The following SAFB variants were observed in gnomAD, a reference collection of about 807,000 sequenced individuals.
SAFB encodes the protein scaffold attachment factor B1.
Under a neutral mutation model 101.6 loss-of-function variants are expected in SAFB, and 15 were observed. That is an observed-to-expected ratio of 0.15 (90% CI 0.10 to 0.23). The LOEUF (loss-of-function observed/expected upper bound fraction) is 0.23, where lower values mean the gene tolerates loss of function less well. Among genes scored for constraint, SAFB ranks in the 10% least tolerant of loss-of-function variants. The pLI is 1.00. For synonymous variants in SAFB, 449 were observed against 407.5 expected (o/e 1.10, Z -1.23); for missense variants, 930 against 1,104.1 (o/e 0.84, Z 2.23).
intron 4 of SAFB, among the ~76,000 whole-genome samples, chr19:5,642,914 G>C (rs929812114): frequency 3.3e-5 from 5 of 151,974 alleles, no homozygotes; most frequent in African/African-American, 9.7e-5. Flanking sequence ...TGATCCGCCT[G>C]CCTCAGACTC....
At chr19:5,635,524 A>G (rs1472986974) in intron 2 of SAFB, among the ~76,000 whole-genome samples, 1 of 152,134 alleles carries the variant, frequency 6.6e-6, no homozygotes, top group East Asian at 1.9e-4. Context: ...TACTTCCTAT[A>G]CTTAGGAGGA....
At position 5,653,374 on chromosome 19, in the gene SAFB, A is replaced by G; in HGVS notation, c.1480A>G (p.Lys494Glu). 1.2e-6 allele frequency: 2 copies of G among 1,614,206 alleles called. No individual in the cohort carries two copies. The highest frequency in any genetic ancestry group is 1.7e-6 in the Non-Finnish European group (2 of 1,180,018). The stretch of plus-strand genomic sequence containing the variant: ...ACCTGTGGGAAAGAAAACCTCTGAC[A>G]AAAGAGACAGTGACGGGAAAAAGGA... ...NEPVGKKTSD[K>E]RDSDGKKEKS... Residue 494 changes from lysine (K) to glutamate (E), a missense_variant, in exon 11 of 21, where the codon AAA (lysine) becomes GAA (glutamate). Lys to Glu is a moderately conservative substitution (Grantham distance 56, BLOSUM62 1). This residue lies in a region of SAFB where 92 missense variants were observed against 83.8 expected (regional missense o/e 1.10). Transcript: ENST00000588852.
Position 5,667,058 on chromosome 19 carries a change from C to T in SAFB, c.2347C>T (p.Arg783Cys), listed in dbSNP as rs1360424562. Residue 783 changes from arginine (R) to cysteine (C), a missense_variant, in exon 18 of 21, where the codon CGC becomes TGC. Around this residue, in one of 7 missense-constraint regions of SAFB, gnomAD observed 318 missense variants for 342.6 expected, o/e 0.93. Coordinates refer to ENST00000588852, the MANE Select transcript of SAFB (RefSeq NM_001201338.2). The surrounding 1 kb of genome is among the most constrained non-coding windows in gnomAD (Gnocchi z 4.0). ...GEREGQHYPE[R>C]HGGPERHGRD... ...CTGTGATGTCCAGCATTACCCAGAACGCCATGGAGGACCAGAGCGCCACGG... is the reference window on the plus strand; with the variant it reads ...CTGTGATGTCCAGCATTACCCAGAATGCCATGGAGGACCAGAGCGCCACGG... The T allele has an allele frequency of 6.8e-6, 11 of 1,606,238 alleles. No homozygotes were observed. Among genetic ancestry groups the T allele is most frequent in the Middle Eastern group, 1.7e-4 (1 of 6,038 alleles).
chr19:5,641,177 T>C (rs1393184376), intron 2 of SAFB, among the ~76,000 whole-genome samples: 1 of 152,170 alleles, frequency 6.6e-6, no homozygotes, highest in East Asian at 1.9e-4. Context: ...GCCCTTCTTT[T>C]TTCTTTTTAA....
At chr19:5,664,466 A>G in intron 17 of SAFB, 27 bp downstream of exon 17, 19 of 1,590,074 alleles carry the variant, frequency 1.2e-5, no homozygotes, top group Non-Finnish European at 1.5e-5. Context: ...AGTGGTAGCC[A>G]CAGAATTTCC....
chr19:5,657,394 T>G, intron 14 of SAFB, 47 bp downstream of exon 14: 1 of 1,295,036 alleles, frequency 7.7e-7, no homozygotes, highest in Non-Finnish European at 1.1e-6. Context: ...TAGAATGTGG[T>G]CATGACTGTC....
chr19:5,655,669 C>T (rs1417236311), intron 13 of SAFB, among the ~76,000 whole-genome samples: 1 of 152,070 alleles, frequency 6.6e-6, no homozygotes, highest in African/African-American at 2.4e-5. Context: ...GGAGGAGGAA[C>T]CATTTCACTT....
intron 17 of SAFB, 85 bp from the exon 18 acceptor site, chr19:5,666,961 A>G: frequency 2.4e-6 from 2 of 846,484 alleles, no homozygotes; most frequent in South Asian, 1.3e-5. Flanking sequence ...TGTCGTTGTC[A>G]TCGTTAGCAT....
At chr19:5,665,807 G>GT (rs2054315698) in intron 17 of SAFB, 1 of 152,228 alleles carries the variant, frequency 6.6e-6, no homozygotes, top group South Asian at 2.1e-4. Flanking sequence ...TCATTGAACA[G>GT]TTACGTGGGT....
chr19:5,659,594 G>C (rs2054148090), intron 14 of SAFB, among the ~76,000 whole-genome samples: 1 of 151,794 alleles, frequency 6.6e-6, no homozygotes, highest in South Asian at 2.1e-4. Context: ...TGTTAGCCAG[G>C]ATGGTCTCGA....
chr19:5,638,689 C>CT (rs151102746), intron 2 of SAFB, among the ~76,000 whole-genome samples: 6 of 117,456 alleles, frequency 5.1e-5, no homozygotes, highest in African/African-American at 1.3e-4. Flanking sequence ...TTTTTAGTTT[C>CT]TTTTTTTTTA....
intron 4 of SAFB, 100 bp from the exon 5 acceptor site, chr19:5,645,237 G>A: frequency 1.7e-6 from 1 of 605,180 alleles, no homozygotes; most frequent in Non-Finnish European, 3.0e-6. Context: ...ATTTTGTTGT[G>A]AATTATTTTC....
chr19:5,624,123 G>T (rs867944661), intron 1 of SAFB: 1 of 151,778 alleles, frequency 6.6e-6, no homozygotes. Context: ...GGCTCCCCCA[G>T]CTCCGTCAGT....
chr19:5,625,012 G>A (rs1028141188), intron 1 of SAFB, among the ~76,000 whole-genome samples: 2 of 152,120 alleles, frequency 1.3e-5, no homozygotes, highest in Non-Finnish European at 2.9e-5. Flanking sequence ...CTGTCAAGCT[G>A]GTGACTGAGA....
Position 5,654,051 on chromosome 19 carries a change from T to C in SAFB, c.1527-10T>C, listed in dbSNP as rs989914273. On this transcript the variant is annotated splice_polypyrimidine_tract_variant and intron_variant, in intron 11 of 20. Coordinates refer to ENST00000588852, the MANE Select transcript of SAFB (RefSeq NM_001201338.2). ...CCACCACGCCCAGCCAACATGTCTG[T>C]TTTTTATAGATCTACAAACCTTAAG... 1 of 1,613,314 alleles carries C rather than the reference T, an allele frequency of 6.2e-7. No individual in the cohort carries two copies. Among genetic ancestry groups the C allele is most frequent in the Non-Finnish European group, 8.5e-7 (1 of 1,179,810 alleles).
At chr19:5,665,221 CTCGTGGGGTTCCTTTT>C (rs1599390122) in intron 17 of SAFB, 1 of 152,330 alleles carries the variant, frequency 6.6e-6, no homozygotes, top group African/African-American at 2.4e-5. Context: ...TTCCATCAGC[CTCGTGGGGTTCCTTTT>C]TCCCTGCTCC....
intron 15 of SAFB, among the ~76,000 whole-genome samples, chr19:5,663,289 C>T (rs1231473516): frequency 1.3e-5 from 2 of 152,250 alleles, no homozygotes; most frequent in Non-Finnish European, 2.9e-5. Context: ...GCATGAGCCA[C>T]TACGCCCGGC....
At position 5,667,679 on chromosome 19, in the gene SAFB, C is replaced by T; in HGVS notation, c.2558-141C>T. 1.2e-6 allele frequency: 1 copy of T among 806,434 alleles called. No homozygotes were observed. Among genetic ancestry groups the T allele is most frequent in the Non-Finnish European group, 2.1e-6 (1 of 487,100 alleles). 50.0% of individuals were successfully genotyped at this position (806,434 alleles called of 1,614,324 possible). On this transcript the variant is annotated intron_variant, in intron 19 of 20. Coordinates refer to ENST00000588852, the MANE Select transcript of SAFB (RefSeq NM_001201338.2). This position sits in a 1 kb window ranked among gnomAD's most constrained non-coding sequence, Gnocchi z 4.0. Reference sequence around the variant, plus strand: ...GGGAGGAAGCTGGACGTCTATGGTCCCTGTGCCCAGGTGTCTTCCTGGGAC... The same window carrying T: ...GGGAGGAAGCTGGACGTCTATGGTCTCTGTGCCCAGGTGTCTTCCTGGGAC...
intron 15 of SAFB, among the ~76,000 whole-genome samples, chr19:5,663,213 A>G (rs990558955): frequency 6.6e-6 from 1 of 150,556 alleles, no homozygotes; most frequent in Non-Finnish European, 1.5e-5. Flanking sequence ...CATGTTGGCC[A>G]GGCTGTCAAA....
Sources: gnomAD v4.1 joint callset for allele counts (sites outside exome capture counted in the v4.1 genomes callset) on GRCh38, gnomAD v4.1.1 for gene constraint, gnomAD v4.1.1 regional missense constraint, Gnocchi (gnomAD v3.1) non-coding constraint, MANE v1.5 for transcripts, NCBI Gene and HGNC (gene_info 2026-07-23, HGNC 2026-07-21) for gene names.